Variants in ITGB3BP observed in about 807,000 individuals in gnomAD.
The protein encoded by ITGB3BP is integrin subunit beta 3 binding protein, also known as centromere protein R.
A neutral mutation model predicts 29.1 loss-of-function variants in ITGB3BP; 27 were observed. That is an observed-to-expected ratio of 0.93 (90% CI 0.68 to 1.28). The LOEUF (loss-of-function observed/expected upper bound fraction) is 1.28. Ranked by LOEUF, ITGB3BP falls within the 50% of genes most tolerant of loss-of-function variation. The pLI, the probability that ITGB3BP is intolerant of heterozygous loss-of-function variation, is 0.00. For synonymous variants in ITGB3BP, 61 were observed against 61.4 expected (o/e 0.99, Z 0.03); for missense variants, 192 against 200.2 (o/e 0.96, Z 0.25).
intron 4 of ITGB3BP, among the ~76,000 whole-genome samples, chr1:63,461,284 C>T (rs903504151): frequency 4.1e-5 from 6 of 145,330 alleles, no homozygotes; most frequent in African/African-American, 1.5e-4. Context: ...AAAAAATCTA[C>T]TCAAGTCTTT....
intron 4 of ITGB3BP, among the ~76,000 whole-genome samples, chr1:63,468,347 A>C (rs1645135787): frequency 6.6e-6 from 1 of 152,198 alleles, no homozygotes; most frequent in Non-Finnish European, 1.5e-5. Flanking sequence ...GAGTGATTTA[A>C]AGAATGTTAA....
intron 3 of ITGB3BP, among the ~76,000 whole-genome samples, chr1:63,487,410 C>A (rs1434417150): frequency 6.6e-6 from 1 of 152,010 alleles, no homozygotes; most frequent in African/African-American, 2.4e-5. Flanking sequence ...ATAAATGATA[C>A]ATAACATACA....
intron 3 of ITGB3BP, among the ~76,000 whole-genome samples, chr1:63,488,954 T>G (rs1251318958): frequency 1.3e-5 from 2 of 152,256 alleles, no homozygotes; most frequent in East Asian, 3.9e-4. Flanking sequence ...AGTCCATACT[T>G]AATTTCAATA....
chr1:63,504,214 A>G (rs61767001), intron 2 of ITGB3BP, among the ~76,000 whole-genome samples: 3 of 151,444 alleles, frequency 2.0e-5, no homozygotes, highest in African/African-American at 7.3e-5. Context: ...AGTTCTCCTT[A>G]AAGAGGTCCT....
At position 63,487,383 on chromosome 1, in the gene ITGB3BP, T is replaced by C. The variant is rs1398927403; in HGVS notation, c.184+2700A>G. Among the ~76,000 whole-genome samples, 3 of 152,138 alleles carry C rather than the reference T, an allele frequency of 2.0e-5. No homozygotes were observed. The East Asian group carries it at 5.8e-4, about 29-fold the overall frequency. On this transcript the variant is annotated intron_variant, in intron 3 of 8. Coordinates refer to ENST00000271002, the MANE Select transcript of ITGB3BP (RefSeq NM_014288.5). ...GAGGAGGGCAGCAAAATAATGTACATACAAATTAAAAAATACATAAATGAT... is the reference window on the plus strand; with the variant it reads ...GAGGAGGGCAGCAAAATAATGTACACACAAATTAAAAAATACATAAATGAT...
intron 1 of ITGB3BP, among the ~76,000 whole-genome samples, chr1:63,513,048 A>T (rs1646235145): frequency 6.6e-6 from 1 of 152,174 alleles, no homozygotes. Context: ...CACAGAAGTG[A>T]TGTTGCATCC....
chr1:63,508,872 TC>T (rs1359829082), intron 1 of ITGB3BP, among the ~76,000 whole-genome samples: 3 of 145,200 alleles, frequency 2.1e-5, no homozygotes, highest in African/African-American at 7.9e-5. Flanking sequence ...TTATAAAAAC[TC>T]TTATAAAAGT....
upstream of ITGB3BP, chr1:63,523,394 T>C (rs1042909919): frequency 3.2e-5 from 18 of 557,788 alleles, no homozygotes; most frequent in African/African-American, 3.0e-4. Context: ...CTCACTACTC[T>C]GGCCATACCA....
At chr1:63,503,773 G>C (rs920199624) in intron 2 of ITGB3BP, among the ~76,000 whole-genome samples, 45 of 152,074 alleles carry the variant, frequency 3.0e-4, no homozygotes, top group East Asian at 2.5e-3. Flanking sequence ...ATAGGGAATC[G>C]TTTCCCCATT....
intron 7 of ITGB3BP, 26 bp downstream of exon 7, chr1:63,453,881 GCATCTTTATGT>G: frequency 8.1e-7 from 1 of 1,233,554 alleles, no homozygotes; most frequent in Non-Finnish European, 1.2e-6. Context: ...TGGGATGAAA[GCATCTTTATGT>G]AATAAACTAA....
upstream of ITGB3BP, among the ~76,000 whole-genome samples, chr1:63,525,054 C>G (rs1280649940): frequency 6.6e-6 from 1 of 152,178 alleles, no homozygotes; most frequent in Non-Finnish European, 1.5e-5. Flanking sequence ...TCAACTACCA[C>G]TCATATCCCG....
intron 3 of ITGB3BP, among the ~76,000 whole-genome samples, chr1:63,485,478 AT>A (rs902493792): frequency 7.5e-5 from 11 of 145,786 alleles, no homozygotes; most frequent in African/African-American, 1.8e-4. Flanking sequence ...CTGCCCTCCA[AT>A]TTTTTTTTCA....
chr1:63,453,672 T>C (rs889748581), intron 7 of ITGB3BP: 5 of 316,036 alleles, frequency 1.6e-5, no homozygotes, highest in African/African-American at 1.1e-4. Flanking sequence ...TGTTGAAGAT[T>C]GCATTTCAAA....
chr1:63,503,795 T>C (rs1317059893), intron 2 of ITGB3BP, among the ~76,000 whole-genome samples: 2 of 152,196 alleles, frequency 1.3e-5, no homozygotes, highest in East Asian at 3.8e-4. Context: ...CTCGTTTTTG[T>C]CAGGTTTGTC....
At chr1:63,475,363 C>T (rs1645317109) in intron 4 of ITGB3BP, among the ~76,000 whole-genome samples, 1 of 152,054 alleles carries the variant, frequency 6.6e-6, no homozygotes, top group Admixed American at 6.6e-5. Context: ...CAAGTTCAGC[C>T]TGGGCAACAT....
rs755774885 is a variant in ITGB3BP at position 63,478,763 on chromosome 1, CTCA to C, written c.252_254del (p.Asp84del). The stretch of plus-strand genomic sequence containing the variant: ...TATAATTTCAAAAATAACAAACTTA[CTCA>C]TCATTGTCTTTTGTTGTAGATTCTT... On this transcript the variant is annotated inframe_deletion and splice_region_variant, in exon 4 of 9. Transcript: ENST00000271002. 13 of 1,407,684 alleles carry C rather than the reference CTCA, an allele frequency of 9.2e-6. No individual in the cohort carries two copies. The highest frequency in any genetic ancestry group is 1.3e-5 in the Non-Finnish European group (13 of 1,032,726). The allele number at this position is 1,407,684 out of a possible 1,614,324, so 87.2% of individuals were successfully genotyped here.
At chr1:63,459,459 T>C (rs1311289530) in intron 4 of ITGB3BP, among the ~76,000 whole-genome samples, 1 of 152,238 alleles carries the variant, frequency 6.6e-6, no homozygotes, top group East Asian at 1.9e-4. Flanking sequence ...TACAATACTA[T>C]GATTCACGCA....
At chr1:63,493,292 G>A (rs111962686) in intron 2 of ITGB3BP, among the ~76,000 whole-genome samples, 3,241 of 152,102 alleles carry the variant, frequency 0.021, 122 homozygotes, top group African/African-American at 0.074. Flanking sequence ...TGGCGCGCCT[G>A]TTGTCCTAGC....
intron 3 of ITGB3BP, among the ~76,000 whole-genome samples, chr1:63,485,428 C>CA (rs1557633920): frequency 6.7e-6 from 1 of 149,342 alleles, no homozygotes; most frequent in African/African-American, 2.5e-5. Context: ...AATTGTTTGA[C>CA]TTTTTTTTTT....
Sources: allele counts gnomAD v4.1 joint callset (sites outside exome capture counted in the v4.1 genomes callset), GRCh38; gene constraint gnomAD v4.1.1; transcripts MANE v1.5; gene names NCBI Gene and HGNC (gene_info 2026-07-23, HGNC 2026-07-21).